UNC13C: variants seen among roughly 807,000 people sequenced by gnomAD.
UNC13C encodes the protein protein unc-13 homolog C.
UNC13C carries 174 observed loss-of-function variants against 245.4 expected under a neutral mutation model. The observed-to-expected ratio is 0.71, with a 90% CI of 0.63 to 0.80. The LOEUF (loss-of-function observed/expected upper bound fraction) is 0.80, where lower values mean the gene tolerates loss of function less well. UNC13C is among the 30% of genes least tolerant of loss of function. The pLI, the probability that UNC13C is intolerant of heterozygous loss-of-function variation, is 0.00. For synonymous variants in UNC13C, 992 were observed against 895.1 expected (o/e 1.11, Z -1.93); for missense variants, 2,829 against 2,602.9 (o/e 1.09, Z -1.89).
intron 17 of UNC13C, among the ~76,000 whole-genome samples, chr15:54,378,816 A>G (rs959831806): frequency 2.6e-5 from 4 of 151,948 alleles, no homozygotes; most frequent in Non-Finnish European, 5.9e-5. Context: ...CAGAATTGTA[A>G]TATTTTATAA....
rs1203556501 is a variant in UNC13C, at chr15:54,454,419, A to T, written c.4933+39352A>T. Among the ~76,000 whole-genome samples the T allele has an allele frequency of 2.0e-5, 3 of 152,090 alleles. No individual in the cohort carries two copies. In the East Asian group the frequency reaches 5.8e-4, roughly 29 times the overall value. On this transcript the variant is annotated intron_variant, in intron 19 of 32. Coordinates refer to ENST00000260323, the MANE Select transcript of UNC13C (RefSeq NM_001080534.3). ...TGGTGAAACCCCGTCTCTACTAAAA[A>T]TACAAAAAGTTAGCCGGGCGTGTTG...
At chr15:54,279,584 A>G (rs963485587) in intron 10 of UNC13C, among the ~76,000 whole-genome samples, 12 of 152,214 alleles carry the variant, frequency 7.9e-5, no homozygotes, top group African/African-American at 2.9e-4. Context: ...TTCTTGAAAG[A>G]TGGCAGCTCT....
chr15:54,058,026 A>C lies in UNC13C; in HGVS notation c.2983+42140A>C, dbSNP rs922391097. The stretch of plus-strand genomic sequence containing the variant: ...AGAAAGCAGGAAAGATCTAAAATTG[A>C]CACCCTAACATCAGAATTAAAAGAA... On this transcript the variant is annotated intron_variant, in intron 2 of 32. Transcript: ENST00000260323. Among the ~76,000 whole-genome samples the C allele has an allele frequency of 1.1e-4, 17 of 152,336 alleles. No homozygotes were observed. The East Asian group carries it at 3.1e-3, about 28-fold the overall frequency.
chr15:53,896,470 A>G, the UNC13C span, among the ~76,000 whole-genome samples: 1 of 151,978 alleles, frequency 6.6e-6, no homozygotes, highest in Non-Finnish European at 1.5e-5. Flanking sequence ...GTGAATCAGT[A>G]TTTTCTTCTT....
intron 19 of UNC13C, among the ~76,000 whole-genome samples, chr15:54,418,315 A>G (rs997212371): frequency 2.0e-5 from 3 of 152,150 alleles, no homozygotes; most frequent in South Asian, 2.1e-4. Flanking sequence ...GTTAATAAAA[A>G]TCAGCTGTCA....
intron 4 of UNC13C, among the ~76,000 whole-genome samples, chr15:54,233,832 GC>G (rs1233032217): frequency 6.6e-6 from 1 of 152,134 alleles, no homozygotes; most frequent in Non-Finnish European, 1.5e-5. Context: ...TTACCGAGGG[GC>G]ATGAACTGTG....
At chr15:54,603,286 C>G (rs1470068203) in intron 30 of UNC13C, among the ~76,000 whole-genome samples, 1 of 152,182 alleles carries the variant, frequency 6.6e-6, no homozygotes, top group Non-Finnish European at 1.5e-5. Flanking sequence ...GTATGACTCT[C>G]TTTTAATCAT....
chr15:53,843,275 A>G, the UNC13C span, among the ~76,000 whole-genome samples: 1 of 152,080 alleles, frequency 6.6e-6, no homozygotes, highest in Admixed American at 6.6e-5. Context: ...CCCTGTCTCT[A>G]CCAAGAAAAA....
intron 1 of UNC13C, among the ~76,000 whole-genome samples, chr15:54,000,524 GATCT>G (rs1425614788): frequency 6.6e-6 from 1 of 152,088 alleles, no homozygotes; most frequent in African/African-American, 2.4e-5. Context: ...AATTTTAGAT[GATCT>G]ATCAAGTGGT....
the UNC13C span, among the ~76,000 whole-genome samples, chr15:53,893,493 G>A: frequency 6.6e-6 from 1 of 152,224 alleles, no homozygotes; most frequent in African/African-American, 2.4e-5. Context: ...CAGGGAGATG[G>A]GGGTTTTATC....
chr15:54,158,588 G>A (rs1209612820), intron 4 of UNC13C, among the ~76,000 whole-genome samples: 4 of 151,932 alleles, frequency 2.6e-5, no homozygotes, highest in Non-Finnish European at 5.9e-5. Flanking sequence ...CAAAGTACTG[G>A]GATTACAGGT....
chr15:54,103,825 A>G (rs1012684468), intron 2 of UNC13C, among the ~76,000 whole-genome samples: 7 of 152,024 alleles, frequency 4.6e-5, no homozygotes, highest in Middle Eastern at 3.4e-3. Context: ...GCTCACTGCA[A>G]CTCCACAGTC....
At chr15:54,569,306 GC>G (rs1897649723) in intron 30 of UNC13C, among the ~76,000 whole-genome samples, 1 of 152,022 alleles carries the variant, frequency 6.6e-6, no homozygotes, top group East Asian at 1.9e-4. Context: ...ATTTATGGAT[GC>G]TCAAGTCCCG....
chr15:54,022,893 G>GC (rs1895959839), intron 2 of UNC13C, among the ~76,000 whole-genome samples: 2 of 152,106 alleles, frequency 1.3e-5, no homozygotes, highest in African/African-American at 4.8e-5. Context: ...TAGAGATAAA[G>GC]CCTAAAAGAT....
the UNC13C span, among the ~76,000 whole-genome samples, chr15:53,899,931 C>T: frequency 6.6e-6 from 1 of 152,098 alleles, no homozygotes; most frequent in Non-Finnish European, 1.5e-5. Context: ...GGTTCAAGTC[C>T]CATCTCCCCA....
chr15:54,138,432 T>C (rs1019089931), intron 2 of UNC13C, among the ~76,000 whole-genome samples: 1 of 60,984 alleles, frequency 1.6e-5, no homozygotes, highest in African/African-American at 6.0e-5. Context: ...TATATAACTG[T>C]TTTTGTTTTT....
chr15:54,597,128 A>C (rs562475037), intron 30 of UNC13C, among the ~76,000 whole-genome samples: 50 of 152,198 alleles, frequency 3.3e-4, no homozygotes, highest in African/African-American at 1.2e-3. Context: ...GCAATTCACA[A>C]TAGGGTTCAT....
rs145380149 is a variant in UNC13C, at chr15:54,042,323, G to A, written c.2983+26437G>A. ...GAATTTTGAGCTTATCATTGAAAAT[G>A]TGAGTCCGTAGGGATAACTTCAATA... is the stretch of plus-strand genomic sequence containing the variant. On this transcript the variant is annotated intron_variant, in intron 2 of 32. Transcript: ENST00000260323. Among the ~76,000 whole-genome samples the A allele has an allele frequency of 6.0e-3, 920 of 152,306 alleles. 10 individuals carry two copies. The highest frequency in any genetic ancestry group is 0.021 in the African/African-American group (884 of 41,576).
intron 29 of UNC13C, among the ~76,000 whole-genome samples, chr15:54,558,567 C>A (rs935244319): frequency 6.6e-6 from 1 of 151,998 alleles, no homozygotes; most frequent in Non-Finnish European, 1.5e-5. Context: ...AGCCTCTATA[C>A]AATATTGATG....
Sources: gnomAD v4.1 joint callset for allele counts (sites outside exome capture counted in the v4.1 genomes callset) on GRCh38, gnomAD v4.1.1 for gene constraint, MANE v1.5 for transcripts, NCBI Gene and HGNC (gene_info 2026-07-23, HGNC 2026-07-21) for gene names.